The following FLACC1 variants were observed in gnomAD, a reference collection of about 807,000 sequenced individuals.
FLACC1 encodes flagellum associated containing coiled-coil domains 1, also known as flagellum-associated coiled-coil domain-containing protein 1.
Under a neutral mutation model 62.8 loss-of-function variants are expected in FLACC1, and 66 were observed. The ratio of observed to expected loss-of-function variants is 1.05; its 90% CI spans 0.86 to 1.29. The LOEUF is 1.29. Among genes scored for constraint, FLACC1 ranks in the 50% most tolerant of loss-of-function variants. The pLI is 0.00. For missense variants in FLACC1, 452 were observed against 489.1 expected, an observed-to-expected ratio of 0.92 and a Z score of 0.71; for synonymous variants, 156 against 161.0, an observed-to-expected ratio of 0.97 and a Z score of 0.24.
At chr2:201,343,680 A>T (rs1950855080) in intron 6 of FLACC1, among the ~76,000 whole-genome samples, 1 of 152,236 alleles carries the variant, frequency 6.6e-6, no homozygotes, top group Non-Finnish European at 1.5e-5. Flanking sequence ...GATGAAACAG[A>T]TGGTAAAAGC....
At chr2:201,339,409 G>A (rs536922594) in intron 7 of FLACC1, among the ~76,000 whole-genome samples, 93 of 151,606 alleles carry the variant, frequency 6.1e-4, no homozygotes, top group Non-Finnish European at 1.1e-3. Flanking sequence ...TTTCTATTTC[G>A]TTTAGTTCTG....
Position 201,351,463 on chromosome 2 carries a change from A to C in FLACC1, c.-47-12T>G. ...TCAGGAGGCTCTTGCTGAAATTGAAAAACAACAGCAGAAGGTTAAACCATT... is the reference window on the plus strand; with the variant it reads ...TCAGGAGGCTCTTGCTGAAATTGAACAACAACAGCAGAAGGTTAAACCATT... On this transcript the variant is annotated splice_polypyrimidine_tract_variant and intron_variant, in intron 1 of 14. Coordinates refer to ENST00000392257, the MANE Select transcript of FLACC1 (RefSeq NM_001127391.3). 1 of 1,281,090 alleles carries C rather than the reference A, an allele frequency of 7.8e-7. No homozygotes were observed. Among genetic ancestry groups the C allele is most frequent in the Non-Finnish European group, 1.1e-6 (1 of 885,514 alleles). 79.4% of individuals were successfully genotyped at this position (1,281,090 alleles called of 1,614,324 possible).
chr2:201,303,321 A>G (rs2125553113), intron 11 of FLACC1, among the ~76,000 whole-genome samples: 1 of 152,338 alleles, frequency 6.6e-6, no homozygotes, highest in South Asian at 2.1e-4. Context: ...AATAAACTAG[A>G]AAATCTAGAA....
At chr2:201,290,539 T>G (rs1376914089) in intron 12 of FLACC1, among the ~76,000 whole-genome samples, 3 of 152,136 alleles carry the variant, frequency 2.0e-5, no homozygotes, top group African/African-American at 7.2e-5. Context: ...GAATGCAAAA[T>G]GCTCAGGGGT....
At chr2:201,362,219 A>C (rs534046515), upstream of FLACC1, among the ~76,000 whole-genome samples, 6 of 152,330 alleles carry the variant, frequency 3.9e-5, no homozygotes, top group East Asian at 1.2e-3. Flanking sequence ...AAGAAAACAC[A>C]ATTAAAGATG....
At chr2:201,347,742 T>C (rs1464599195) in intron 4 of FLACC1, among the ~76,000 whole-genome samples, 1 of 152,178 alleles carries the variant, frequency 6.6e-6, no homozygotes, top group Non-Finnish European at 1.5e-5. Context: ...TAACTCTTAC[T>C]TGGTCCTGTG....
At chr2:201,289,424 A>G (rs754891255) in intron 14 of FLACC1, 33 bp downstream of exon 14, 2 of 1,593,756 alleles carry the variant, frequency 1.3e-6, no homozygotes, top group Middle Eastern at 1.7e-4. Context: ...CCTAAAGAGA[A>G]CTCAGCTATG....
intron 9 of FLACC1, among the ~76,000 whole-genome samples, chr2:201,315,395 G>T (rs1222823088): frequency 1.3e-5 from 2 of 152,128 alleles, no homozygotes; most frequent in Non-Finnish European, 2.9e-5. Flanking sequence ...AAGCTAGCAG[G>T]AGTAGCTATT....
intron 9 of FLACC1, among the ~76,000 whole-genome samples, chr2:201,320,750 G>T (rs1950387942): frequency 6.6e-6 from 1 of 152,174 alleles, no homozygotes; most frequent in Non-Finnish European, 1.5e-5. Context: ...CCCGTCACCT[G>T]CCCTGGTAGT....
upstream of FLACC1, among the ~76,000 whole-genome samples, chr2:201,360,512 C>G (rs1951177467): frequency 6.6e-6 from 1 of 152,132 alleles, no homozygotes; most frequent in Non-Finnish European, 1.5e-5. Flanking sequence ...GTGGAAAAGA[C>G]AGTGTTCTCT....
intron 14 of FLACC1, among the ~76,000 whole-genome samples, chr2:201,289,096 A>C (rs565245368): frequency 6.6e-6 from 1 of 152,228 alleles, no homozygotes; most frequent in Non-Finnish European, 1.5e-5. Flanking sequence ...TTCCATAGGA[A>C]CCAGAAGCAG....
chr2:201,349,729 C>A (rs1950988431), intron 3 of FLACC1, among the ~76,000 whole-genome samples: 1 of 152,154 alleles, frequency 6.6e-6, no homozygotes, highest in South Asian at 2.1e-4. Flanking sequence ...CATAGAAAAT[C>A]TTAGACACAG....
intron 12 of FLACC1, among the ~76,000 whole-genome samples, chr2:201,293,171 C>T (rs922389902): frequency 3.3e-5 from 5 of 152,108 alleles, no homozygotes; most frequent in Admixed American, 3.3e-4. Context: ...ACCAAGCAGA[C>T]CTAATAGACA....
intron 8 of FLACC1, 23 bp from the exon 9 acceptor site, chr2:201,330,545 G>C: frequency 6.2e-7 from 1 of 1,609,398 alleles, no homozygotes; most frequent in Non-Finnish European, 8.5e-7. Flanking sequence ...AAAACAACAG[G>C]ATCATCATTA....
chr2:201,331,640 C>T (rs1950595676), intron 7 of FLACC1, among the ~76,000 whole-genome samples: 1 of 152,128 alleles, frequency 6.6e-6, no homozygotes, highest in Non-Finnish European at 1.5e-5. Flanking sequence ...AACTATATGA[C>T]ATTCTGAAAA....
intron 11 of FLACC1, among the ~76,000 whole-genome samples, chr2:201,302,615 C>G (rs564733663): frequency 3.3e-4 from 50 of 152,330 alleles, no homozygotes; most frequent in African/African-American, 1.1e-3. Context: ...CACCCCAAAT[C>G]AACAGAATAT....
chr2:201,303,336 T>A (rs1950029257), intron 11 of FLACC1, among the ~76,000 whole-genome samples: 1 of 151,600 alleles, frequency 6.6e-6, no homozygotes, highest in Non-Finnish European at 1.5e-5. Context: ...CTAGAAGAAA[T>A]GGATAAATTC....
At chr2:201,359,881 A>C (rs899914344), upstream of FLACC1, among the ~76,000 whole-genome samples, 42 of 152,134 alleles carry the variant, frequency 2.8e-4, no homozygotes, top group African/African-American at 9.4e-4. Flanking sequence ...CCAGAGATTG[A>C]ATATTTACTT....
At chr2:201,299,338 G>C (rs959382431) in intron 11 of FLACC1, 38 bp from the exon 12 acceptor site, 20 of 1,559,262 alleles carry the variant, frequency 1.3e-5, no homozygotes, top group Non-Finnish European at 1.8e-5. Flanking sequence ...TAGCACTGTG[G>C]TTCTGGCACA....
Sources: allele counts gnomAD v4.1 joint callset (sites outside exome capture counted in the v4.1 genomes callset), GRCh38; gene constraint gnomAD v4.1.1; transcripts MANE v1.5; gene names NCBI Gene and HGNC (gene_info 2026-07-23, HGNC 2026-07-21).